PRSS38: variants seen among roughly 807,000 people sequenced by gnomAD.
The protein encoded by PRSS38 is marapsin 2.
In PRSS38, 22 loss-of-function variants were observed where a neutral mutation model predicts 26.8. The observed-to-expected ratio is 0.82, with a 90% CI of 0.59 to 1.17. PRSS38 has a LOEUF of 1.17. PRSS38 is among the 50% of genes most tolerant of loss of function. The pLI is 0.00. For synonymous variants in PRSS38, 175 were observed against 172.1 expected (o/e 1.02, Z -0.13); for missense variants, 427 against 422.7 (o/e 1.01, Z -0.09).
rs572603775 is a variant in PRSS38, at chr1:227,820,755, C to T, written c.583+3275C>T. Among the ~76,000 whole-genome samples the T allele has an allele frequency of 1.3e-5, 2 of 152,180 alleles. 1 individual carries two copies. The highest frequency in any genetic ancestry group is 4.1e-4 in the South Asian group (2 of 4,820). On this transcript the variant is annotated intron_variant, in intron 3 of 4. Transcript: ENST00000366757. Reference sequence around the variant, plus strand: ...TCATAGAATGAATTATGAAGTGTTGCTTCCTCTTCTATTTTTTTGGTGGAG... The same window carrying T: ...TCATAGAATGAATTATGAAGTGTTGTTTCCTCTTCTATTTTTTTGGTGGAG...
intron 2 of PRSS38, 32 bp from the exon 3 acceptor site, chr1:227,817,177 C>A: frequency 6.3e-7 from 1 of 1,595,136 alleles, no homozygotes; most frequent in Non-Finnish European, 8.6e-7. Flanking sequence ...CAGGAAGCTG[C>A]GGGCATTGTA....
chr1:227,844,208 T>C (rs1043003150), intron 3 of PRSS38, among the ~76,000 whole-genome samples: 2 of 152,304 alleles, frequency 1.3e-5, no homozygotes, highest in African/African-American at 4.8e-5. Flanking sequence ...TTAAGGTTAG[T>C]GTTCCTTCAA....
chr1:227,840,885 C>G (rs1049915326), intron 3 of PRSS38, among the ~76,000 whole-genome samples: 3 of 152,216 alleles, frequency 2.0e-5, no homozygotes, highest in Non-Finnish European at 4.4e-5. Flanking sequence ...CTTCATCCCC[C>G]AAGCCACCAT....
At chr1:227,839,043 C>A (rs1313145981) in intron 3 of PRSS38, among the ~76,000 whole-genome samples, 3 of 152,066 alleles carry the variant, frequency 2.0e-5, no homozygotes, top group Admixed American at 6.5e-5. Flanking sequence ...TTGGTCCATG[C>A]GAGGTAACGT....
chr1:227,845,761 G>A (rs1019347882), intron 4 of PRSS38, 149 bp downstream of exon 4: 30 of 1,197,162 alleles, frequency 2.5e-5, no homozygotes, highest in South Asian at 4.3e-5. Context: ...ATGTGTGAAC[G>A]CCGCATGCCT....
intron 3 of PRSS38, among the ~76,000 whole-genome samples, chr1:227,829,565 T>C (rs1232605558): frequency 6.6e-6 from 1 of 152,230 alleles, no homozygotes; most frequent in African/African-American, 2.4e-5. Context: ...ATGTTTACTA[T>C]ATACAGTATA....
intron 3 of PRSS38, among the ~76,000 whole-genome samples, chr1:227,825,757 T>C (rs1354768862): frequency 2.6e-5 from 4 of 152,212 alleles, no homozygotes; most frequent in African/African-American, 9.6e-5. Flanking sequence ...CTTGTACCAG[T>C]ACCATGCTGT....
chr1:227,841,458 G>T (rs1048448077), intron 3 of PRSS38, among the ~76,000 whole-genome samples: 9 of 152,374 alleles, frequency 5.9e-5, no homozygotes, highest in Non-Finnish European at 1.2e-4. Flanking sequence ...GGGAAAGGCG[G>T]GGAAGGGGAC....
At chr1:227,829,973 A>G (rs1665129644) in intron 3 of PRSS38, among the ~76,000 whole-genome samples, 2 of 152,120 alleles carry the variant, frequency 1.3e-5, no homozygotes, top group African/African-American at 4.8e-5. Flanking sequence ...ATTGAGGAAG[A>G]CTTCTTTGGT....
intron 3 of PRSS38, among the ~76,000 whole-genome samples, chr1:227,842,225 T>A (rs1218246047): frequency 1.1e-4 from 16 of 152,242 alleles, no homozygotes; most frequent in Non-Finnish European, 8.8e-5. Context: ...TGCCTGCAGG[T>A]CTATCTGTGA....
At chr1:227,838,932 G>C (rs1252415089) in intron 3 of PRSS38, among the ~76,000 whole-genome samples, 1 of 152,148 alleles carries the variant, frequency 6.6e-6, no homozygotes, top group Non-Finnish European at 1.5e-5. Flanking sequence ...TGATCCACCT[G>C]CCTTGGCCTC....
intron 3 of PRSS38, among the ~76,000 whole-genome samples, chr1:227,829,014 T>G (rs1665113636): frequency 6.6e-6 from 1 of 152,204 alleles, no homozygotes; most frequent in African/African-American, 2.4e-5. Flanking sequence ...TTCCCTTGAC[T>G]TGAGGGCAGG....
At chr1:227,817,760 C>T (rs915045189) in intron 3 of PRSS38, among the ~76,000 whole-genome samples, 8 of 152,180 alleles carry the variant, frequency 5.3e-5, no homozygotes, top group East Asian at 3.8e-4. Context: ...AGATTGTAAA[C>T]GGAATTTAGA....
intron 3 of PRSS38, among the ~76,000 whole-genome samples, chr1:227,819,064 A>G (rs1358603876): frequency 6.6e-6 from 1 of 152,164 alleles, no homozygotes; most frequent in Non-Finnish European, 1.5e-5. Flanking sequence ...ACTGTAATTC[A>G]TGTGCTCTTA....
Position 227,845,465 on chromosome 1 carries a change from C to A in PRSS38, c.584-5C>A, listed in dbSNP as rs751884953. On this transcript the variant is annotated splice_region_variant and splice_polypyrimidine_tract_variant and intron_variant, in intron 3 of 4. Transcript: ENST00000366757. ...TGCCCCCTCACGGGAGCCCTCCTCC[C>A]ACAGGTGAGACCTCAGACGAGCTGC... is the stretch of plus-strand genomic sequence containing the variant. 6.2e-7 allele frequency: 1 copy of A among 1,607,722 alleles called. No individual in the cohort carries two copies. The highest frequency in any genetic ancestry group is 1.7e-5 in the Admixed American group (1 of 59,762).
At chr1:227,829,084 T>C (rs1052753538) in intron 3 of PRSS38, among the ~76,000 whole-genome samples, 2 of 152,200 alleles carry the variant, frequency 1.3e-5, no homozygotes, top group Non-Finnish European at 2.9e-5. Context: ...CCTTTCTTCA[T>C]TCTCTATGGG....
intron 3 of PRSS38, among the ~76,000 whole-genome samples, chr1:227,843,332 T>C (rs1293163711): frequency 1.3e-5 from 2 of 152,140 alleles, no homozygotes; most frequent in Admixed American, 1.3e-4. Flanking sequence ...AACACATATT[T>C]CCTCTTTCAT....
At chr1:227,825,828 G>A (rs148320282) in intron 3 of PRSS38, among the ~76,000 whole-genome samples, 104 of 152,184 alleles carry the variant, frequency 6.8e-4, no homozygotes, top group African/African-American at 2.2e-3. Context: ...CTCCAACTTC[G>A]TTCTTTTTGC....
In PRSS38 at chr1:227,821,832, T is replaced by C. The variant is rs144857002; in HGVS notation, c.583+4352T>C. 4.6e-3 allele frequency among the ~76,000 whole-genome samples: 700 copies of C among 152,314 alleles called. 12 individuals carry two copies. The South Asian group carries it at 0.057, about 12-fold the overall frequency. ...TGGGGGTTATTTGAGTTTATAATAC[T>C]TGAAGTTTGTTCAGTCTGAATTTGT... On this transcript the variant is annotated intron_variant, in intron 3 of 4. Transcript: ENST00000366757.
Sources: gnomAD v4.1 joint callset for allele counts (sites outside exome capture counted in the v4.1 genomes callset) on GRCh38, gnomAD v4.1.1 for gene constraint, MANE v1.5 for transcripts, NCBI Gene and HGNC (gene_info 2026-07-23, HGNC 2026-07-21) for gene names.